The following MITF variants were observed in gnomAD, a reference collection of about 807,000 sequenced individuals.
The protein encoded by MITF is microphthalmia-associated transcription factor.
MITF carries 17 observed loss-of-function variants against 60.5 expected under a neutral mutation model. The ratio of observed to expected loss-of-function variants is 0.28; its 90% CI spans 0.19 to 0.42. The LOEUF is 0.42. MITF is among the 10% of genes least tolerant of loss of function. MITF has a pLI of 1.00. For missense variants in MITF, 622 were observed against 683.5 expected (o/e 0.91, Z 1.00); for synonymous variants, 260 against 248.5 (o/e 1.05, Z -0.43).
chr3:69,918,355 T>C (rs1414096877), intron 2 of MITF, among the ~76,000 whole-genome samples: 1 of 152,222 alleles, frequency 6.6e-6, no homozygotes, highest in East Asian at 1.9e-4. Context: ...GCCCACATTA[T>C]ATTTTTAATA....
chr3:69,848,087 C>CT (rs1386907937), intron 1 of MITF, among the ~76,000 whole-genome samples: 2 of 152,144 alleles, frequency 1.3e-5, no homozygotes, highest in Non-Finnish European at 2.9e-5. Context: ...TTACGATGCT[C>CT]TTGCAGAAGA....
At chr3:69,958,810 G>C (rs2066464437) in intron 8 of MITF, among the ~76,000 whole-genome samples, 1 of 152,100 alleles carries the variant, frequency 6.6e-6, no homozygotes, top group African/African-American at 2.4e-5. Flanking sequence ...AATTGTGTCT[G>C]TTTCAACATG....
intron 1 of MITF, chr3:69,763,829 T>C (rs1451475573): frequency 7.3e-7 from 1 of 1,366,918 alleles, no homozygotes; most frequent in Non-Finnish European, 9.8e-7. Flanking sequence ...TTCCGCTCCA[T>C]CTCTGAAGTC....
At chr3:69,916,794 T>C (rs1014233191) in intron 2 of MITF, among the ~76,000 whole-genome samples, 4 of 152,184 alleles carry the variant, frequency 2.6e-5, no homozygotes, top group African/African-American at 9.6e-5. Context: ...TATCAGAATA[T>C]TTTCCTTACC....
At chr3:69,752,931 T>C (rs753964874) in intron 1 of MITF, among the ~76,000 whole-genome samples, 2 of 152,176 alleles carry the variant, frequency 1.3e-5, no homozygotes, top group African/African-American at 2.4e-5. Context: ...GCCTCCCCAT[T>C]TTCTGGGAAG....
At chr3:69,916,713 G>C (rs879842381) in intron 2 of MITF, among the ~76,000 whole-genome samples, 1 of 152,036 alleles carries the variant, frequency 6.6e-6, no homozygotes, top group Admixed American at 6.6e-5. Context: ...ACTTATGACT[G>C]TCATATGACT....
At chr3:69,946,567 T>G (rs963061535) in intron 5 of MITF, among the ~76,000 whole-genome samples, 26 of 152,174 alleles carry the variant, frequency 1.7e-4, no homozygotes, top group African/African-American at 5.8e-4. Flanking sequence ...AAGTGCCATT[T>G]TAATTCTGTG....
chr3:69,843,263 A>AT (rs11388959), intron 1 of MITF, among the ~76,000 whole-genome samples: 152,324 of 152,328 alleles, frequency 1, 76,160 homozygotes, highest in Middle Eastern at 1. Context: ...TTGAGAAATC[A>AT]TTTCCAAAGT....
At chr3:69,847,795 C>T (rs1332122087) in intron 1 of MITF, among the ~76,000 whole-genome samples, 1 of 152,200 alleles carries the variant, frequency 6.6e-6, no homozygotes, top group South Asian at 2.1e-4. Flanking sequence ...TGTTTCATTT[C>T]TTGAGACTTT....
intron 1 of MITF, among the ~76,000 whole-genome samples, chr3:69,877,421 G>C (rs986115205): frequency 1.3e-5 from 2 of 149,272 alleles, no homozygotes; most frequent in Non-Finnish European, 3.0e-5. Context: ...TTATTCTTAT[G>C]CTTTTTGTTG....
At chr3:69,871,637 C>T (rs1193981468) in intron 1 of MITF, among the ~76,000 whole-genome samples, 1 of 152,198 alleles carries the variant, frequency 6.6e-6, no homozygotes, top group African/African-American at 2.4e-5. Context: ...GGAAACTTTG[C>T]ATCTTGGTTG....
chr3:69,959,500 G>A, intron 9 of MITF, 80 bp downstream of exon 9: 3 of 1,552,076 alleles, frequency 1.9e-6, no homozygotes, highest in Non-Finnish European at 2.7e-6. Context: ...ATGAGCCATA[G>A]GGGAGTTGAC....
intron 1 of MITF, among the ~76,000 whole-genome samples, chr3:69,846,149 T>TG (rs1404118089): frequency 6.7e-6 from 1 of 148,456 alleles, no homozygotes; most frequent in Non-Finnish European, 1.5e-5. Context: ...TTTTTTTTTT[T>TG]AACAGAGATC....
chr3:69,846,909 A>G (rs1213247455), intron 1 of MITF, among the ~76,000 whole-genome samples: 1 of 152,114 alleles, frequency 6.6e-6, no homozygotes, highest in African/African-American at 2.4e-5. Flanking sequence ...ATGACAAGGA[A>G]GATGCCTAGT....
At chr3:69,816,649 C>G (rs918337612) in intron 1 of MITF, among the ~76,000 whole-genome samples, 3 of 152,160 alleles carry the variant, frequency 2.0e-5, no homozygotes, top group Admixed American at 2.0e-4. Flanking sequence ...TGATCTTTGG[C>G]AATTAGTTAA....
At chr3:69,842,176 A>C (rs1489369316) in intron 1 of MITF, among the ~76,000 whole-genome samples, 6 of 152,192 alleles carry the variant, frequency 3.9e-5, no homozygotes, top group African/African-American at 1.4e-4. Context: ...AAGTATAGTC[A>C]GTTCTGCTAT....
Position 69,844,344 on chromosome 3 carries a change from A to C in MITF, c.105-34790A>C, listed in dbSNP as rs62252237. Reference sequence around the variant, plus strand: ...CATCTACAACCATCTGATCTTTGACAAACCTGACAAAAACAAGCAATGGGG... The same window carrying C: ...CATCTACAACCATCTGATCTTTGACCAACCTGACAAAAACAAGCAATGGGG... On this transcript the variant is annotated intron_variant, in intron 1 of 9. Coordinates refer to ENST00000352241, the MANE Select transcript of MITF (RefSeq NM_001354604.2). Among the ~76,000 whole-genome samples, 3 of 152,288 alleles carry C rather than the reference A, an allele frequency of 2.0e-5. No individual in the cohort carries two copies. The East Asian group carries it at 5.8e-4, about 29-fold the overall frequency.
At chr3:69,829,375 T>C (rs2063408835) in intron 1 of MITF, among the ~76,000 whole-genome samples, 1 of 152,180 alleles carries the variant, frequency 6.6e-6, no homozygotes, top group Non-Finnish European at 1.5e-5. Context: ...TTGTATTGCA[T>C]TGAGATTTTA....
chr3:69,798,752 C>A (rs2062870663), intron 1 of MITF, among the ~76,000 whole-genome samples: 1 of 152,238 alleles, frequency 6.6e-6, no homozygotes, highest in Admixed American at 6.5e-5. Flanking sequence ...TTCATTTATT[C>A]CTGAAAATGC....
Sources: gnomAD v4.1 joint callset for allele counts (sites outside exome capture counted in the v4.1 genomes callset) on GRCh38, gnomAD v4.1.1 for gene constraint, MANE v1.5 for transcripts, NCBI Gene and HGNC (gene_info 2026-07-23, HGNC 2026-07-21) for gene names.